The following ALG11 variants were observed in gnomAD, a reference collection of about 807,000 sequenced individuals.
The protein encoded by ALG11 is ALG11 alpha-1,2-mannosyltransferase.
In ALG11, 26 loss-of-function variants were observed where a neutral mutation model predicts 38.8. That is an observed-to-expected ratio of 0.67 (90% confidence interval 0.49 to 0.93). The LOEUF is 0.93. ALG11 is among the 40% of genes least tolerant of loss of function. The pLI is 0.00. For synonymous variants in ALG11, 199 were observed against 211.6 expected (o/e 0.94, Z 0.52); for missense variants, 535 against 578.8 (o/e 0.92, Z 0.78).
chr13:52,014,122 TC>T (rs1319509590), intron 1 of ALG11, among the ~76,000 whole-genome samples: 1 of 152,198 alleles, frequency 6.6e-6, no homozygotes. Flanking sequence ...TAAAATATAC[TC>T]CCTTTTCCTA....
At position 52,019,072 on chromosome 13, in the gene ALG11, T is replaced by G. The variant is rs1464945796; in HGVS notation, c.204T>G (p.Phe68Leu). The G allele has an allele frequency of 6.2e-7, 1 of 1,614,124 alleles. No homozygotes were observed. ...NGKNQMVIAF[F>L]HPYCNAGGGG... ...AAAATCAAATGGTGATTGCATTTTT[T>G]CATCCATACTGCAATGCTGGTGGAG... Residue 68 changes from phenylalanine (F) to leucine (L), a missense_variant, in exon 2 of 4, where the codon TTT (phenylalanine) becomes TTG (leucine). By Grantham distance (22) the Phe-to-Leu change is conservative. Transcript: ENST00000521508.
rs1954295360 is a variant in ALG11 at position 52,030,784 on chromosome 13, T to A, written c.*2194T>A. The stretch of plus-strand genomic sequence containing the variant: ...CCCCTGAGGGTCCTCCAAGAAAAGA[T>A]AAGAATTTGCCAAATGTGATTATCA... On this transcript the variant is annotated 3_prime_UTR_variant, in exon 4 of 4. Transcript: ENST00000521508. 2 of 1,614,098 alleles carry A rather than the reference T, an allele frequency of 1.2e-6. No individual in the cohort carries two copies. The highest frequency in any genetic ancestry group is 1.7e-6 in the Non-Finnish European group (2 of 1,180,006).
rs1444836856 is a variant in ALG11, at chr13:52,032,548, G to A, written c.*3958G>A. 6.0e-6 allele frequency: 1 copy of A among 166,952 alleles called. No individual in the cohort carries two copies. Among genetic ancestry groups the A allele is most frequent in the East Asian group, 1.9e-4 (1 of 5,188 alleles). 10.3% of individuals were successfully genotyped at this position (166,952 alleles called of 1,614,324 possible). A position where few individuals can be genotyped will look rare whatever the true frequency, so the allele number is the denominator to read the frequency against. ...CTTTGTGTTAAGGGGCAAATGAAAC[G>A]GTATATTATTTCTTTGCAGTCTCCT... On this transcript the variant is annotated 3_prime_UTR_variant, in exon 4 of 4. Coordinates refer to ENST00000521508, the MANE Select transcript of ALG11 (RefSeq NM_001004127.3).
At chr13:52,026,824 G>A (rs1043802582) in intron 3 of ALG11, among the ~76,000 whole-genome samples, 1 of 152,140 alleles carries the variant, frequency 6.6e-6, no homozygotes. Context: ...GAGGAGTCTG[G>A]TCTGGAAATA....
At chr13:52,020,231 A>T (rs1954173040) in intron 2 of ALG11, among the ~76,000 whole-genome samples, 1 of 152,144 alleles carries the variant, frequency 6.6e-6, no homozygotes. Context: ...ATCTTTTAAT[A>T]TTTGAGGCTT....
intron 3 of ALG11, among the ~76,000 whole-genome samples, chr13:52,026,895 C>T (rs763199286): frequency 6.6e-6 from 1 of 152,118 alleles, no homozygotes; most frequent in Non-Finnish European, 1.5e-5. Context: ...TGGTTAAGAT[C>T]GCCTGGGGAA....
chr13:52,031,173 C>T lies in ALG11; in HGVS notation c.*2583C>T, dbSNP rs187859899. 1 of 1,526,452 alleles carries T rather than the reference C, an allele frequency of 6.6e-7. No homozygotes were observed. The highest frequency in any genetic ancestry group is 2.3e-5 in the East Asian group (1 of 44,154). 94.6% of individuals were successfully genotyped at this position (1,526,452 alleles called of 1,614,324 possible). A position where few individuals can be genotyped will look rare whatever the true frequency, so the allele number is the denominator to read the frequency against. ...CTTCCTTTGGTCCAGTTTTACTCTG[C>T]TACAGGGTGGATTCCAAAACTGGCT... On this transcript the variant is annotated 3_prime_UTR_variant, in exon 4 of 4. Coordinates refer to ENST00000521508, the MANE Select transcript of ALG11 (RefSeq NM_001004127.3).
Position 52,012,438 on chromosome 13 carries a change from G to C in ALG11, c.20G>C (p.Ser7Thr), listed in dbSNP as rs1421722282. MAAGER[S>T]WCLCKLLRFF... ...CGGAAGATGGCGGCCGGCGAAAGGA[G>C]CTGGTGCCTGTGCAAGTTGTTGAGG... The change falls in exon 1 of 4, where the codon AGC becomes ACC. Residue 7 changes from serine to threonine, a missense_variant. Physicochemically the swap from Ser to Thr is moderately conservative, Grantham distance 58 (BLOSUM62 1). Coordinates refer to ENST00000521508, the MANE Select transcript of ALG11 (RefSeq NM_001004127.3). 6.2e-7 allele frequency: 1 copy of C among 1,614,178 alleles called. No homozygotes were observed. The highest frequency in any genetic ancestry group is 8.5e-7 in the Non-Finnish European group (1 of 1,180,044).
intron 1 of ALG11, among the ~76,000 whole-genome samples, chr13:52,013,200 A>G (rs1752755555): frequency 6.6e-6 from 1 of 152,168 alleles, no homozygotes. Context: ...TCCACTAATA[A>G]AACAGAAGGC....
rs1954307145 is a variant in ALG11 at position 52,031,668 on chromosome 13, C to T, written c.*3078C>T. On this transcript the variant is annotated 3_prime_UTR_variant, in exon 4 of 4. Coordinates refer to ENST00000521508, the MANE Select transcript of ALG11 (RefSeq NM_001004127.3). ...TGATGATATGATATACAGATACATC[C>T]ACAGGGTATCTATTACCAGCATAAT... 5.9e-6 allele frequency: 1 copy of T among 168,756 alleles called. No homozygotes were observed. The highest frequency in any genetic ancestry group is 1.9e-4 in the East Asian group (1 of 5,210). The allele number at this position is 168,756 out of a possible 1,614,324, so 10.5% of individuals were successfully genotyped here. A position where few individuals can be genotyped will look rare whatever the true frequency, so the allele number is the denominator to read the frequency against.
Position 52,024,807 on chromosome 13 carries a change from GCTGT to G in ALG11, c.1081_1084del (p.Ser361ArgfsTer3). ...AACTTAGGGTAAACCAACTGAGAAG[GCTGT>G]CTGAGGATTTAGGAGTTCAAGAATA... On this transcript the variant is annotated frameshift_variant, in exon 3 of 4. Coordinates refer to ENST00000521508, the MANE Select transcript of ALG11 (RefSeq NM_001004127.3). LOFTEE classifies it high-confidence loss of function. 6.2e-7 allele frequency: 1 copy of G among 1,614,144 alleles called. No individual in the cohort carries two copies. The highest frequency in any genetic ancestry group is 8.5e-7 in the Non-Finnish European group (1 of 1,179,980).
Position 52,030,538 on chromosome 13 carries a change from AAT to A in ALG11, c.*1950_*1951del. 1 of 1,614,154 alleles carries A rather than the reference AAT, an allele frequency of 6.2e-7. No individual in the cohort carries two copies. The highest frequency in any genetic ancestry group is 1.6e-4 in the Middle Eastern group (1 of 6,062). On this transcript the variant is annotated 3_prime_UTR_variant, in exon 4 of 4. Transcript: ENST00000521508. Reference sequence around the variant, plus strand: ...TGAGGTCTTTGGCAGTTCCCACAATAATAGAGGAGCTGGAAGATGAAGAGGAG... The same window carrying A: ...TGAGGTCTTTGGCAGTTCCCACAATAAGAGGAGCTGGAAGATGAAGAGGAG...
At chr13:52,012,527 T>G in intron 1 of ALG11, 65 bp downstream of exon 1, 1 of 1,611,290 alleles carries the variant, frequency 6.2e-7, no homozygotes, top group Non-Finnish European at 8.5e-7. Flanking sequence ...GCCCGTCCAG[T>G]GTAGCTAAAT....
Position 52,029,779 on chromosome 13 carries a change from G to C in ALG11, c.*1189G>C. 1 of 1,614,214 alleles carries C rather than the reference G, an allele frequency of 6.2e-7. No homozygotes were observed. The highest frequency in any genetic ancestry group is 1.3e-5 in the African/African-American group (1 of 75,054). ...AGGCTCGCCAAGCTATGCAGGAACAGTTGGCCAAGAACAAAGAACTGACAC... is the reference window on the plus strand; with the variant it reads ...AGGCTCGCCAAGCTATGCAGGAACACTTGGCCAAGAACAAAGAACTGACAC... On this transcript the variant is annotated 3_prime_UTR_variant, in exon 4 of 4. Transcript: ENST00000521508.
Position 52,029,407 on chromosome 13 carries a change from T to G in ALG11, c.*817T>G. 1 of 1,614,116 alleles carries G rather than the reference T, an allele frequency of 6.2e-7. No individual in the cohort carries two copies. The highest frequency in any genetic ancestry group is 8.5e-7 in the Non-Finnish European group (1 of 1,180,032). ...AGAACAAGCAGCCAGTGACAGATCC[T>G]TTACTGACTCCCATGGAAAAGGCCT... On this transcript the variant is annotated 3_prime_UTR_variant, in exon 4 of 4. Coordinates refer to ENST00000521508, the MANE Select transcript of ALG11 (RefSeq NM_001004127.3).
At chr13:52,019,437 G>A (rs1165199972) in intron 2 of ALG11, among the ~76,000 whole-genome samples, 1 of 151,900 alleles carries the variant, frequency 6.6e-6, no homozygotes, top group East Asian at 1.9e-4. Context: ...TAGCCAGGAT[G>A]GTCTCGATCT....
Position 52,028,471 on chromosome 13 carries a change from TC to T in ALG11, c.1362del (p.Met455CysfsTer17). 6.2e-7 allele frequency: 1 copy of T among 1,614,180 alleles called. No homozygotes were observed. Among genetic ancestry groups the T allele is most frequent in the Non-Finnish European group, 8.5e-7 (1 of 1,180,036 alleles). On this transcript the variant is annotated frameshift_variant, in exon 4 of 4. Coordinates refer to ENST00000521508, the MANE Select transcript of ALG11 (RefSeq NM_001004127.3). LOFTEE classifies it high-confidence loss of function. Reference sequence around the variant, plus strand: ...TGCTGAAACTATCGCTCACATTCTTTCCATGTCTGCAGAAAAGAGACTCCAA... The same window carrying T: ...TGCTGAAACTATCGCTCACATTCTTTCATGTCTGCAGAAAAGAGACTCCAA... The part of the protein sequence containing the change: ...DYAETIAHIL[S>X]MSAEKRLQIR...
rs1338477920 is a variant in ALG11, at chr13:52,032,705, T to C, written c.*4115T>C. 2 of 167,126 alleles carry C rather than the reference T, an allele frequency of 1.2e-5. No individual in the cohort carries two copies. The highest frequency in any genetic ancestry group is 2.9e-5 in the Non-Finnish European group (2 of 68,126). The allele number at this position is 167,126 out of a possible 1,614,324, so 10.4% of individuals were successfully genotyped here. A position where few individuals can be genotyped will look rare whatever the true frequency, so the allele number is the denominator to read the frequency against. ...CACAGGATGTTCTGACACACCATTGTAACTTTTTGTTAGAGATGATCCCAT... is the reference window on the plus strand; with the variant it reads ...CACAGGATGTTCTGACACACCATTGCAACTTTTTGTTAGAGATGATCCCAT... On this transcript the variant is annotated 3_prime_UTR_variant, in exon 4 of 4. Transcript: ENST00000521508.
rs756344755 is a variant in ALG11 at position 52,030,554 on chromosome 13, G to C, written c.*1964G>C. 6.2e-7 allele frequency: 1 copy of C among 1,614,206 alleles called. No homozygotes were observed. Among genetic ancestry groups the C allele is most frequent in the South Asian group, 1.1e-5 (1 of 91,088 alleles). ...TCCCACAATAATAGAGGAGCTGGAA[G>C]ATGAAGAGGAGAGAGACCAAAGGCA... On this transcript the variant is annotated 3_prime_UTR_variant, in exon 4 of 4. Transcript: ENST00000521508.
Sources: gnomAD v4.1 joint callset for allele counts (sites outside exome capture counted in the v4.1 genomes callset) on GRCh38, gnomAD v4.1.1 for gene constraint, MANE v1.5 for transcripts, NCBI Gene and HGNC (gene_info 2026-07-23, HGNC 2026-07-21) for gene names.